Variants in TANC1 observed in about 807,000 individuals in gnomAD.
TANC1 encodes the protein tetratricopeptide repeat, ankyrin repeat and coiled-coil containing 1, also known as protein TANC1.
In TANC1, 77 loss-of-function variants were observed where a neutral mutation model predicts 149.7. That is an observed-to-expected ratio of 0.51 (90% CI 0.43 to 0.62). The LOEUF (loss-of-function observed/expected upper bound fraction) is 0.62. Ranked by LOEUF, TANC1 falls within the 20% of genes least tolerant of loss-of-function variation. The pLI is 0.00. For synonymous variants in TANC1, 854 were observed against 925.0 expected, an observed-to-expected ratio of 0.92 and a Z score of 1.39; for missense variants, 1,985 against 2,321.8, an observed-to-expected ratio of 0.85 and a Z score of 2.98.
intron 3 of TANC1, among the ~76,000 whole-genome samples, chr2:159,096,712 G>A (rs902778697): frequency 2.6e-5 from 4 of 152,148 alleles, no homozygotes; most frequent in African/African-American, 7.2e-5. Flanking sequence ...TGGGAAGGAC[G>A]GTGAGGAACA....
intron 19 of TANC1, among the ~76,000 whole-genome samples, chr2:159,199,717 A>G (rs970372598): frequency 6.6e-6 from 1 of 152,252 alleles, no homozygotes; most frequent in Non-Finnish European, 1.5e-5. Context: ...TTGTTTTTAA[A>G]TAGATGTCAG....
intron 1 of TANC1, among the ~76,000 whole-genome samples, chr2:158,995,525 G>C (rs1264428479): frequency 6.6e-6 from 1 of 152,098 alleles, no homozygotes; most frequent in African/African-American, 2.4e-5. Context: ...ATTACCCGAG[G>C]GCGGGACTCT....
chr2:159,107,770 C>G (rs1258066510), intron 4 of TANC1, among the ~76,000 whole-genome samples: 2 of 152,176 alleles, frequency 1.3e-5, no homozygotes, highest in African/African-American at 4.8e-5. Context: ...CTTGGTCCAG[C>G]CTTTCTCTGT....
At chr2:159,025,274 T>C (rs1437137262) in intron 2 of TANC1, among the ~76,000 whole-genome samples, 1 of 147,814 alleles carries the variant, frequency 6.8e-6, no homozygotes, top group Non-Finnish European at 1.5e-5. Flanking sequence ...TTTTTTCCTT[T>C]TCTTTTCTTT....
At chr2:159,203,050 TA>T (rs2058350545) in intron 19 of TANC1, among the ~76,000 whole-genome samples, 1 of 152,120 alleles carries the variant, frequency 6.6e-6, no homozygotes, top group African/African-American at 2.4e-5. Flanking sequence ...TTGCTCTGAA[TA>T]GAAGAGAACA....
intron 17 of TANC1, 72 bp downstream of exon 17, chr2:159,194,565 G>C (rs544304336): frequency 1.2e-5 from 16 of 1,316,562 alleles, no homozygotes; most frequent in Non-Finnish European, 1.6e-5. Context: ...ATTGTTATTT[G>C]CTGGGCCAGA....
At chr2:159,120,921 C>T (rs264593) in intron 4 of TANC1, among the ~76,000 whole-genome samples, 66,007 of 151,948 alleles carry the variant, frequency 0.43, 14,756 homozygotes, top group Admixed American at 0.53. Context: ...CTTTTACTTA[C>T]GGCAGTTGAG....
At position 159,025,715 on chromosome 2, in the gene TANC1, C is replaced by A. The variant is rs569521195; in HGVS notation, c.-16+24526C>A. 4.5e-4 allele frequency among the ~76,000 whole-genome samples: 69 copies of A among 151,982 alleles called. No homozygotes were observed. In the South Asian group the frequency reaches 0.013, roughly 28 times the overall value. On this transcript the variant is annotated intron_variant, in intron 2 of 26. Coordinates refer to ENST00000263635, the MANE Select transcript of TANC1 (RefSeq NM_033394.3). ...TATAATACCATATTTTTATTTATTT[C>A]TTTGAAATGGTATACAATTTATCTG...
At chr2:159,148,126 CCTAGACAATTAATAAA>C (rs1360305399) in intron 5 of TANC1, 1 of 152,152 alleles carries the variant, frequency 6.6e-6, no homozygotes, top group Admixed American at 6.5e-5. Flanking sequence ...AGTCCAGTTA[CCTAGACAATTAATAAA>C]AAAGAGCAAA....
At chr2:159,145,892 G>A (rs1176243754) in intron 5 of TANC1, among the ~76,000 whole-genome samples, 1 of 152,158 alleles carries the variant, frequency 6.6e-6, no homozygotes, top group Non-Finnish European at 1.5e-5. Context: ...GAAATGAAAA[G>A]TGAAGTCTTC....
At chr2:159,009,788 G>A (rs1222943099) in intron 2 of TANC1, among the ~76,000 whole-genome samples, 1 of 152,032 alleles carries the variant, frequency 6.6e-6, no homozygotes, top group Admixed American at 6.6e-5. Flanking sequence ...AAATGTTTGA[G>A]GTGTTACATG....
intron 4 of TANC1, among the ~76,000 whole-genome samples, chr2:159,107,828 A>G (rs2047339775): frequency 6.6e-6 from 1 of 152,188 alleles, no homozygotes; most frequent in Admixed American, 6.5e-5. Flanking sequence ...TGCTCCGAGC[A>G]TCTGTAGCAC....
At chr2:159,168,773 A>G (rs1416875143) in intron 8 of TANC1, among the ~76,000 whole-genome samples, 1 of 152,168 alleles carries the variant, frequency 6.6e-6, no homozygotes, top group Non-Finnish European at 1.5e-5. Context: ...TACTATTACT[A>G]CTGAGCCAAC....
intron 2 of TANC1, among the ~76,000 whole-genome samples, chr2:159,058,704 G>C (rs965699881): frequency 1.3e-5 from 2 of 152,204 alleles, no homozygotes; most frequent in Non-Finnish European, 2.9e-5. Flanking sequence ...CTTGTACTTA[G>C]AAGGAAGCAA....
chr2:159,203,339 T>G (rs2058382951), intron 19 of TANC1, among the ~76,000 whole-genome samples: 1 of 151,928 alleles, frequency 6.6e-6, no homozygotes. Flanking sequence ...CCCGAGTAGC[T>G]GGGATTACAG....
At chr2:159,124,035 T>A (rs1454031457) in intron 4 of TANC1, among the ~76,000 whole-genome samples, 1 of 152,186 alleles carries the variant, frequency 6.6e-6, no homozygotes, top group Non-Finnish European at 1.5e-5. Context: ...GCATAGCTAC[T>A]CCAGACAGGC....
chr2:159,144,111 A>T (rs927659648), intron 5 of TANC1, among the ~76,000 whole-genome samples: 24 of 152,138 alleles, frequency 1.6e-4, no homozygotes, highest in African/African-American at 5.3e-4. Context: ...AAAAATAGAG[A>T]TGAGAAAATT....
At chr2:159,061,399 C>T (rs1000445905) in intron 2 of TANC1, among the ~76,000 whole-genome samples, 2 of 152,212 alleles carry the variant, frequency 1.3e-5, no homozygotes, top group Admixed American at 6.5e-5. Flanking sequence ...TGACCTATCT[C>T]ACCTGACAGT....
Position 159,230,645 on chromosome 2 carries a change from C to G in TANC1, c.5219C>G (p.Pro1740Arg), listed in dbSNP as rs755199100. The G allele has an allele frequency of 6.2e-7, 1 of 1,614,138 alleles. No homozygotes were observed. The stretch of plus-strand genomic sequence containing the variant: ...AGGTTCCAACAGCAGAGCAATCCTC[C>G]AAGCCGCAGCTGGCACTGTCCGGCA... ...TARFQQQSNP[P>R]SRSWHCPAPE... is the part of the protein sequence containing the mutation. The change falls in exon 27 of 27, where the codon CCA (proline) becomes CGA (arginine). Residue 1740 changes from proline (P) to arginine (R), a missense_variant. Pro to Arg is a moderately radical substitution (Grantham distance 103). Around this residue, in one of 3 missense-constraint regions of TANC1, gnomAD observed 920 missense variants for 994.7 expected, o/e 0.92. Coordinates refer to ENST00000263635, the MANE Select transcript of TANC1 (RefSeq NM_033394.3). The surrounding 1 kb of genome is among the most constrained non-coding windows in gnomAD (Gnocchi z 4.4).
Sources: gnomAD v4.1 joint callset for allele counts (sites outside exome capture counted in the v4.1 genomes callset) on GRCh38, gnomAD v4.1.1 for gene constraint, gnomAD v4.1.1 regional missense constraint, Gnocchi (gnomAD v3.1) non-coding constraint, MANE v1.5 for transcripts, NCBI Gene and HGNC (gene_info 2026-07-23, HGNC 2026-07-21) for gene names.